NRG4: variants seen among roughly 807,000 people sequenced by gnomAD.
The protein encoded by NRG4 is pro-neuregulin-4, membrane-bound isoform.
NRG4 carries 10 observed loss-of-function variants against 15.0 expected under a neutral mutation model. The observed-to-expected ratio is 0.67, with a 90% CI of 0.41 to 1.13. NRG4 has a LOEUF of 1.13. NRG4 is among the 50% of genes most tolerant of loss of function. NRG4 has a pLI of 0.00. For synonymous variants in NRG4, 41 were observed against 50.1 expected (o/e 0.82, Z 0.77); for missense variants, 139 against 140.2 (o/e 0.99, Z 0.04).
chr15:76,047,896 C>A (rs990397635), intron 4 of NRG4, among the ~76,000 whole-genome samples: 7 of 151,204 alleles, frequency 4.6e-5, no homozygotes, highest in Admixed American at 2.6e-4. Flanking sequence ...TGGCTTGCAA[C>A]TACAATCCCA....
intron 3 of NRG4, among the ~76,000 whole-genome samples, chr15:76,000,855 C>T (rs184510979): frequency 7.4e-4 from 113 of 151,884 alleles, no homozygotes; most frequent in Admixed American, 6.9e-3. Flanking sequence ...GTTGTAAAAA[C>T]GAATTGGGAA....
chr15:76,020,202 T>A (rs1041705752), intron 5 of NRG4, among the ~76,000 whole-genome samples: 4 of 152,144 alleles, frequency 2.6e-5, no homozygotes, highest in Non-Finnish European at 4.4e-5. Flanking sequence ...TCCTCTGGCC[T>A]CTCTATTCCC....
At chr15:76,024,078 C>T (rs1047100861) in intron 5 of NRG4, among the ~76,000 whole-genome samples, 1 of 152,220 alleles carries the variant, frequency 6.6e-6, no homozygotes, top group African/African-American at 2.4e-5. Context: ...TGCCTGCAAT[C>T]AGAGCCTGAG....
intron 3 of NRG4, among the ~76,000 whole-genome samples, chr15:75,971,421 GA>G (rs1292845500): frequency 5.3e-5 from 8 of 152,154 alleles, no homozygotes; most frequent in Non-Finnish European, 1.0e-4. Context: ...TGCCCACTGG[GA>G]AGGAGAACAC....
chr15:76,045,673 C>A lies in NRG4; in HGVS notation c.-105+6394G>T, dbSNP rs78776181. On this transcript the variant is annotated intron_variant, in intron 4 of 8. Coordinates refer to the NRG4 transcript ENST00000563910. Reference sequence around the variant, plus strand: ...TCACTGTTAAGTGAAATAAGCCAGGCACAGAAAAACAAACTTCGCATCTTC... The same window carrying A: ...TCACTGTTAAGTGAAATAAGCCAGGAACAGAAAAACAAACTTCGCATCTTC... Among the ~76,000 whole-genome samples, 1,055 of 150,774 alleles carry A rather than the reference C, an allele frequency of 7.0e-3. 80 individuals are homozygous for A. The highest frequency in any genetic ancestry group is 0.025 in the African/African-American group (1,005 of 40,436).
intron 1 of NRG4, among the ~76,000 whole-genome samples, chr15:76,058,465 C>G (rs1484670984): frequency 6.6e-6 from 1 of 150,742 alleles, no homozygotes; most frequent in African/African-American, 2.5e-5. Context: ...TATAGATATT[C>G]CCGTATAATC....
At chr15:76,038,715 G>C (rs570769980) in intron 4 of NRG4, among the ~76,000 whole-genome samples, 4 of 152,322 alleles carry the variant, frequency 2.6e-5, no homozygotes, top group African/African-American at 9.6e-5. Flanking sequence ...CACAAGCCTG[G>C]TTGGCTTCAC....
chr15:75,990,398 A>T (rs2033962697), intron 3 of NRG4, among the ~76,000 whole-genome samples: 1 of 152,166 alleles, frequency 6.6e-6, no homozygotes, highest in African/African-American at 2.4e-5. Context: ...ACCTCCAGGA[A>T]GGGAGCCCGG....
At chr15:75,994,292 G>A (rs1451500081) in intron 3 of NRG4, among the ~76,000 whole-genome samples, 1 of 152,060 alleles carries the variant, frequency 6.6e-6, no homozygotes, top group Non-Finnish European at 1.5e-5. Context: ...CAGATATTTG[G>A]GCATATAAAG....
rs975167028 is a variant in NRG4, at chr15:75,943,560, T to C, written c.*78A>G. 7 of 862,444 alleles carry C rather than the reference T, an allele frequency of 8.1e-6. No homozygotes were observed. The highest frequency in any genetic ancestry group is 1.3e-5 in the Non-Finnish European group (7 of 518,916). The allele number at this position is 862,444 out of a possible 1,614,324, so 53.4% of individuals were successfully genotyped here. A position where few individuals can be genotyped will look rare whatever the true frequency, so the allele number is the denominator to read the frequency against. The stretch of plus-strand genomic sequence containing the variant: ...TTTAAGAAATAAAGGATTAGATTTT[T>C]AATTCTTTTACCTAGTGGTGTTTCA... On this transcript the variant is annotated 3_prime_UTR_variant, in exon 6 of 6. Transcript: ENST00000394907.
At chr15:76,001,742 G>A (rs2034424074) in intron 3 of NRG4, among the ~76,000 whole-genome samples, 1 of 152,186 alleles carries the variant, frequency 6.6e-6, no homozygotes, top group African/African-American at 2.4e-5. Context: ...AGTACACAGG[G>A]AGGAAAAATG....
At chr15:76,017,991 A>G (rs1222376540) in intron 5 of NRG4, among the ~76,000 whole-genome samples, 1 of 151,906 alleles carries the variant, frequency 6.6e-6, no homozygotes, top group Non-Finnish European at 1.5e-5. Context: ...GTCTTTTCAC[A>G]TAGTCCCATA....
chr15:76,055,385 G>A (rs760092437), intron 2 of NRG4, among the ~76,000 whole-genome samples: 2 of 152,118 alleles, frequency 1.3e-5, no homozygotes, highest in South Asian at 2.1e-4. Context: ...AACTCTAAGT[G>A]GTCACATAGA....
chr15:76,036,095 A>G (rs1567122272), intron 4 of NRG4: 1 of 152,196 alleles, frequency 6.6e-6, no homozygotes, highest in Non-Finnish European at 1.5e-5. Context: ...TATTAGGTTT[A>G]TAAGGTTGTC....
downstream of NRG4, chr15:75,940,431 C>T (rs2030826798): frequency 6.7e-6 from 1 of 149,886 alleles, no homozygotes; most frequent in Non-Finnish European, 1.5e-5. Flanking sequence ...AGATTCACTA[C>T]AGTCTCTATC....
intron 3 of NRG4, among the ~76,000 whole-genome samples, chr15:75,982,555 A>T (rs946505764): frequency 6.6e-6 from 1 of 152,198 alleles, no homozygotes; most frequent in Non-Finnish European, 1.5e-5. Flanking sequence ...TGGACAAAAT[A>T]TGAAAAGCAA....
At chr15:75,978,224 G>A (rs2141846181) in intron 3 of NRG4, among the ~76,000 whole-genome samples, 1 of 152,176 alleles carries the variant, frequency 6.6e-6, no homozygotes, top group Non-Finnish European at 1.5e-5. Context: ...CCCAGCCTCT[G>A]GTAACCATAT....
chr15:76,037,838 C>T (rs2035629851), intron 4 of NRG4, among the ~76,000 whole-genome samples: 1 of 152,134 alleles, frequency 6.6e-6, no homozygotes, highest in African/African-American at 2.4e-5. Flanking sequence ...CAAATACTCC[C>T]TTTCCGCTTG....
chr15:75,969,986 C>T (rs1048612483), intron 3 of NRG4, among the ~76,000 whole-genome samples: 2 of 152,102 alleles, frequency 1.3e-5, no homozygotes, highest in Non-Finnish European at 2.9e-5. Context: ...GTAAAGAGGA[C>T]TTTGTTTTAA....
Sources: gnomAD v4.1 joint callset for allele counts (sites outside exome capture counted in the v4.1 genomes callset) on GRCh38, gnomAD v4.1.1 for gene constraint, MANE v1.5 for transcripts, NCBI Gene and HGNC (gene_info 2026-07-23, HGNC 2026-07-21) for gene names.